The following NXN variants were observed in gnomAD, a reference collection of about 807,000 sequenced individuals.
The protein encoded by NXN is nucleoredoxin, also known as nucleoredoxin 1.
NXN carries 16 observed loss-of-function variants against 48.6 expected under a neutral mutation model. The observed-to-expected ratio is 0.33, with a 90% CI of 0.22 to 0.50. The LOEUF (loss-of-function observed/expected upper bound fraction) is 0.50. Ranked by LOEUF, NXN falls within the 20% of genes least tolerant of loss-of-function variation. The pLI, the probability that NXN is intolerant of heterozygous loss-of-function variation, is 0.98. For synonymous variants in NXN, 281 were observed against 269.6 expected (o/e 1.04, Z -0.41); for missense variants, 492 against 605.5 (o/e 0.81, Z 1.97).
At chr17:889,762 A>AAG (rs1597698053) in intron 1 of NXN, among the ~76,000 whole-genome samples, 1 of 6,148 alleles carries the variant, frequency 1.6e-4, no homozygotes, top group East Asian at 8.3e-4. Flanking sequence ...AAAGAAAGAA[A>AAG]AAGAAAGAAA....
rs1426550221 is a variant in NXN at position 979,738 on chromosome 17, G to GAGGAGGCGGCGGCGTCGGCGGC, written c.-82_-61dup. On this transcript the variant is annotated 5_prime_UTR_variant, in exon 1 of 8. Transcript: ENST00000336868. ...CCCCGCTCCACGGTCCGCGCGGCGG[G>GAGGAGGCGGCGGCGTCGGCGGC]AGGAGGCGGCGGCGTCGGCGGCAGG... The GAGGAGGCGGCGGCGTCGGCGGC allele has an allele frequency of 4.7e-5, 59 of 1,252,580 alleles. No homozygotes were observed. The African/African-American group carries it at 8.9e-4, about 19-fold the overall frequency. The allele number at this position is 1,252,580 out of a possible 1,614,324, so 77.6% of individuals were successfully genotyped here.
intron 5 of NXN, among the ~76,000 whole-genome samples, chr17:809,962 T>C (rs77097514): frequency 0.082 from 6,905 of 84,508 alleles, 535 homozygotes; most frequent in East Asian, 0.14. Context: ...TCTGTGTGAG[T>C]GGCGTGTACG....
intron 1 of NXN, among the ~76,000 whole-genome samples, chr17:924,077 T>A (rs887628026): frequency 6.6e-6 from 1 of 152,168 alleles, no homozygotes; most frequent in Non-Finnish European, 1.5e-5. Flanking sequence ...AAAGTTTTTT[T>A]TTTTTTTTGA....
rs1310230833 is a variant in NXN at position 812,801 on chromosome 17, CGT to C, written c.820+6636_820+6637del. Among the ~76,000 whole-genome samples the C allele has an allele frequency of 6.6e-5, 8 of 120,512 alleles. No individual in the cohort carries two copies. The South Asian group carries it at 1.1e-3, about 17-fold the overall frequency. 79.1% of individuals were successfully genotyped at this position (120,512 alleles called of 152,430 possible). On this transcript the variant is annotated intron_variant, in intron 5 of 7. Coordinates refer to ENST00000336868, the MANE Select transcript of NXN (RefSeq NM_022463.5). ...GTGTGCATGTGTGTAGGTGTGTGTG[CGT>C]GAGTGTAGGTGTGTGTGCGAGTGTG...
chr17:881,052 T>G (rs2068278404), intron 1 of NXN, among the ~76,000 whole-genome samples: 2 of 151,942 alleles, frequency 1.3e-5, no homozygotes, highest in Non-Finnish European at 2.9e-5. Flanking sequence ...CAAGCAGATA[T>G]GAACAGACAC....
Position 934,880 on chromosome 17 carries a change from G to C in NXN, c.360+44439C>G, listed in dbSNP as rs118084452. ...CAGGAAGACGCCATCTCAAAAAAAA[G>C]AAAAGAAAGAACATTCTTTTAGCCC... On this transcript the variant is annotated intron_variant, in intron 1 of 7. Transcript: ENST00000336868. Among the ~76,000 whole-genome samples the C allele has an allele frequency of 4.8e-3, 734 of 152,128 alleles. 7 individuals are homozygous for C. The highest frequency in any genetic ancestry group is 0.028 in the East Asian group (143 of 5,168).
chr17:923,005 G>A (rs1457438685), intron 1 of NXN, among the ~76,000 whole-genome samples: 1 of 152,034 alleles, frequency 6.6e-6, no homozygotes, highest in East Asian at 1.9e-4. Context: ...TGAGCTGGGA[G>A]CCCAGAGTCT....
In NXN at chr17:924,093, G is replaced by C. The variant is rs376873264; in HGVS notation, c.360+55226C>G. Among the ~76,000 whole-genome samples the C allele has an allele frequency of 7.9e-5, 12 of 150,964 alleles. 2 individuals carry two copies. Among genetic ancestry groups the C allele is most frequent in the African/African-American group, 2.9e-4 (12 of 41,156 alleles). ...AAGTTTTTTTTTTTTTTTGAGACAG[G>C]GTCTCACTCTGTTGCCCAGGCTGCC... On this transcript the variant is annotated intron_variant, in intron 1 of 7. Transcript: ENST00000336868.
chr17:851,503 G>A (rs1384249856), intron 1 of NXN, among the ~76,000 whole-genome samples: 1 of 152,226 alleles, frequency 6.6e-6, no homozygotes, highest in Non-Finnish European at 1.5e-5. Flanking sequence ...CAGCCAGGCT[G>A]GGAACATCCC....
chr17:936,205 G>C (rs1218759825), intron 1 of NXN, among the ~76,000 whole-genome samples: 2 of 151,884 alleles, frequency 1.3e-5, no homozygotes, highest in African/African-American at 4.8e-5. Context: ...TCAACCTATG[G>C]ACTCAAGACA....
chr17:879,596 G>A (rs2068261661), intron 1 of NXN, among the ~76,000 whole-genome samples: 1 of 151,912 alleles, frequency 6.6e-6, no homozygotes, highest in African/African-American at 2.4e-5. Flanking sequence ...CACGAGTCTG[G>A]TTTTAAACCC....
chr17:876,485 C>A (rs16956531), intron 1 of NXN, among the ~76,000 whole-genome samples: 19,648 of 152,120 alleles, frequency 0.13, 1,459 homozygotes, highest in South Asian at 0.22. Context: ...ACACGCTAGG[C>A]GTCCTTTGCT....
At chr17:923,071 C>T (rs568629884) in intron 1 of NXN, among the ~76,000 whole-genome samples, 10 of 152,270 alleles carry the variant, frequency 6.6e-5, no homozygotes, top group East Asian at 1.9e-4. Context: ...CAAGTTCTCC[C>T]GGACTCTGTC....
At chr17:908,276 G>A (rs767517876) in intron 1 of NXN, among the ~76,000 whole-genome samples, 2 of 152,042 alleles carry the variant, frequency 1.3e-5, no homozygotes, top group African/African-American at 4.8e-5. Context: ...GGTCGTTCAC[G>A]CCTGTATTCC....
chr17:808,019 T>A (rs546844061), intron 5 of NXN, among the ~76,000 whole-genome samples: 1 of 152,100 alleles, frequency 6.6e-6, no homozygotes, highest in South Asian at 2.1e-4. Context: ...GGGATGGGGG[T>A]CACCCAGCCA....
At chr17:802,923 ACTGT>A (rs1030961469) in intron 7 of NXN, among the ~76,000 whole-genome samples, 1 of 90,592 alleles carries the variant, frequency 1.1e-5, no homozygotes. Context: ...GGCCTCCAAA[ACTGT>A]CTGTCAGTCA....
chr17:813,984 G>A (rs1379759128), intron 5 of NXN, among the ~76,000 whole-genome samples: 1 of 151,492 alleles, frequency 6.6e-6, no homozygotes, highest in Non-Finnish European at 1.5e-5. Flanking sequence ...AAAAGAGCCG[G>A]GCACGGTGAC....
intron 5 of NXN, among the ~76,000 whole-genome samples, chr17:817,051 C>T (rs1307712051): frequency 6.6e-6 from 1 of 152,126 alleles, no homozygotes; most frequent in Non-Finnish European, 1.5e-5. Flanking sequence ...CAAACGCTTT[C>T]ATTTATGCTG....
rs1017053425 is a variant in NXN at position 919,948 on chromosome 17, GC to G, written c.360+59370del. On this transcript the variant is annotated intron_variant, in intron 1 of 7. Transcript: ENST00000336868. The surrounding 1 kb of genome is among the most constrained non-coding windows in gnomAD (Gnocchi z 5.1). ...GTACCTTCCATCTCTCTCTGCCTCAGCCCCCACCGGCACCCTTGGTGCCTTC... is the reference window on the plus strand; with the variant it reads ...GTACCTTCCATCTCTCTCTGCCTCAGCCCCACCGGCACCCTTGGTGCCTTC... 1.3e-5 allele frequency among the ~76,000 whole-genome samples: 2 copies of G among 151,968 alleles called. No individual in the cohort carries two copies. Among genetic ancestry groups the G allele is most frequent in the African/African-American group, 4.8e-5 (2 of 41,374 alleles).
Sources: gnomAD v4.1 joint callset for allele counts (sites outside exome capture counted in the v4.1 genomes callset) on GRCh38, gnomAD v4.1.1 for gene constraint, Gnocchi (gnomAD v3.1) non-coding constraint, MANE v1.5 for transcripts, NCBI Gene and HGNC (gene_info 2026-07-23, HGNC 2026-07-21) for gene names.